TMEM108: variants seen among roughly 807,000 people sequenced by gnomAD.
TMEM108 encodes transmembrane protein 108.
Under a neutral mutation model 35.1 loss-of-function variants are expected in TMEM108, and 12 were observed. The observed-to-expected ratio is 0.34, with a 90% CI of 0.22 to 0.55. The LOEUF (loss-of-function observed/expected upper bound fraction) is 0.55, where lower values mean the gene tolerates loss of function less well. Ranked by LOEUF, TMEM108 falls within the 20% of genes least tolerant of loss-of-function variation. TMEM108 has a pLI of 0.89. For missense variants in TMEM108, 680 were observed against 753.3 expected (o/e 0.90, Z 1.14); for synonymous variants, 287 against 308.6 (o/e 0.93, Z 0.73).
chr3:133,190,856 A>G (rs1317962764), intron 2 of TMEM108, among the ~76,000 whole-genome samples: 1 of 152,196 alleles, frequency 6.6e-6, no homozygotes, highest in African/African-American at 2.4e-5. Context: ...AAAGAGGAAT[A>G]TTGGCTCATA....
chr3:133,265,036 A>C (rs935544825), intron 3 of TMEM108, among the ~76,000 whole-genome samples: 3 of 152,234 alleles, frequency 2.0e-5, no homozygotes. Flanking sequence ...CACTCACCAC[A>C]GTCATCTCTA....
At chr3:133,146,181 G>A (rs1169427829) in intron 2 of TMEM108, among the ~76,000 whole-genome samples, 6 of 152,226 alleles carry the variant, frequency 3.9e-5, no homozygotes, top group African/African-American at 1.2e-4. Context: ...ATGAAGCGAT[G>A]TTGAGTTTTA....
intron 3 of TMEM108, among the ~76,000 whole-genome samples, chr3:133,274,148 C>G (rs912950444): frequency 1.3e-5 from 2 of 152,212 alleles, no homozygotes; most frequent in East Asian, 3.8e-4. Flanking sequence ...AAATTATCTG[C>G]ACAGCGGATG....
Position 133,134,305 on chromosome 3 carries a change from G to T in TMEM108, c.-47+88285G>T, listed in dbSNP as rs532954597. The stretch of plus-strand genomic sequence containing the variant: ...TTATTGTATTCAATATTCTATATAT[G>T]TTCTATACATCTAAAAGTTAATTAT... On this transcript the variant is annotated intron_variant, in intron 2 of 5. Coordinates refer to ENST00000321871, the MANE Select transcript of TMEM108 (RefSeq NM_023943.4). Among the ~76,000 whole-genome samples, 5 of 151,984 alleles carry T rather than the reference G, an allele frequency of 3.3e-5. No homozygotes were observed. The South Asian group carries it at 1.0e-3, about 32-fold the overall frequency.
chr3:133,334,167 C>T (rs2071446277), intron 3 of TMEM108, among the ~76,000 whole-genome samples: 1 of 152,130 alleles, frequency 6.6e-6, no homozygotes, highest in Non-Finnish European at 1.5e-5. Context: ...GAGTTAGAAT[C>T]AGACCACATA....
chr3:133,396,561 T>G lies in TMEM108; in HGVS notation c.*575T>G, dbSNP rs2073309400. On this transcript the variant is annotated 3_prime_UTR_variant, in exon 6 of 6. Coordinates refer to ENST00000321871, the MANE Select transcript of TMEM108 (RefSeq NM_023943.4). ...ATGTCATGTTTAATTCCATCCAAGT[T>G]GTGGATGGCAGGCAGGAGCATGGAG... 1 of 152,196 alleles carries G rather than the reference T, an allele frequency of 6.6e-6. No individual in the cohort carries two copies. Among genetic ancestry groups the G allele is most frequent in the East Asian group, 1.9e-4 (1 of 5,182 alleles). The allele number at this position is 152,196 out of a possible 1,614,324, so 9.4% of individuals were successfully genotyped here.
chr3:133,176,580 C>T (rs1025343522), intron 2 of TMEM108, among the ~76,000 whole-genome samples: 4 of 151,926 alleles, frequency 2.6e-5, no homozygotes, highest in East Asian at 1.9e-4. Flanking sequence ...GGGTACATAA[C>T]GAAATGAAGG....
rs533881508 is a variant in TMEM108 at position 133,394,807 on chromosome 3, T to G, written c.1606-1057T>G. 4.8e-5 allele frequency among the ~76,000 whole-genome samples: 7 copies of G among 146,146 alleles called. No homozygotes were observed. In the South Asian group the frequency reaches 1.6e-3, roughly 33 times the overall value. The stretch of plus-strand genomic sequence containing the variant: ...ACAATGGCATTTCTTCCTTACCTTA[T>G]GATTCATACAGCAGTAAGTACTCCT... On this transcript the variant is annotated intron_variant, in intron 5 of 5. Coordinates refer to ENST00000321871, the MANE Select transcript of TMEM108 (RefSeq NM_023943.4).
chr3:133,043,443 T>C (rs911602733), intron 1 of TMEM108, among the ~76,000 whole-genome samples: 1 of 152,212 alleles, frequency 6.6e-6, no homozygotes, highest in African/African-American at 2.4e-5. Flanking sequence ...TTTAAAAAAT[T>C]GCTCACTAAA....
chr3:133,221,660 C>CTTTTTTTTTTTTT (rs3078806), intron 2 of TMEM108, among the ~76,000 whole-genome samples: 52 of 60,358 alleles, frequency 8.6e-4, no homozygotes, highest in Non-Finnish European at 1.1e-3. Flanking sequence ...ACATTGATTC[C>CTTTTTTTTTTTTT]TTTTTTTTTT....
chr3:133,280,467 C>T (rs1946897512), intron 3 of TMEM108, among the ~76,000 whole-genome samples: 1 of 151,994 alleles, frequency 6.6e-6, no homozygotes, highest in Non-Finnish European at 1.5e-5. Context: ...TCAGTTTTTC[C>T]CATTTTCCCA....
chr3:133,209,553 T>C (rs986648673), intron 2 of TMEM108, among the ~76,000 whole-genome samples: 5 of 152,134 alleles, frequency 3.3e-5, no homozygotes, highest in Non-Finnish European at 7.4e-5. Context: ...GCATGTTAAG[T>C]TGTGGCACTC....
intron 2 of TMEM108, among the ~76,000 whole-genome samples, chr3:133,197,438 G>T (rs906993129): frequency 2.6e-5 from 4 of 152,132 alleles, no homozygotes; most frequent in African/African-American, 9.7e-5. Flanking sequence ...GCATTTGGTA[G>T]GTAGGAGCTT....
intron 3 of TMEM108, among the ~76,000 whole-genome samples, chr3:133,269,680 T>A (rs1489226877): frequency 6.6e-6 from 1 of 152,232 alleles, no homozygotes; most frequent in African/African-American, 2.4e-5. Context: ...AGTTTTTAAT[T>A]GGACTCTCAC....
intron 2 of TMEM108, among the ~76,000 whole-genome samples, chr3:133,185,814 C>T (rs1212556844): frequency 7.2e-6 from 1 of 139,718 alleles, no homozygotes; most frequent in Non-Finnish European, 1.5e-5. Context: ...CAGAGTCTTG[C>T]TCTGTTGCCC....
chr3:133,345,767 A>G (rs1422580658), intron 3 of TMEM108, among the ~76,000 whole-genome samples: 1 of 152,000 alleles, frequency 6.6e-6, no homozygotes, highest in Non-Finnish European at 1.5e-5. Context: ...GAAAAGGAAT[A>G]TAAAGTTTCC....
intron 2 of TMEM108, among the ~76,000 whole-genome samples, chr3:133,070,269 C>T (rs745798274): frequency 1.3e-4 from 20 of 152,074 alleles, no homozygotes; most frequent in Non-Finnish European, 2.8e-4. Flanking sequence ...GATATTGTGC[C>T]TGTCTTCTGG....
At chr3:133,143,966 ATTTTATTTT>A (rs1473728858) in intron 2 of TMEM108, among the ~76,000 whole-genome samples, 1 of 110,914 alleles carries the variant, frequency 9.0e-6, no homozygotes, top group African/African-American at 3.0e-5. Flanking sequence ...ATTTTATTTT[ATTTTATTTT>A]ATTTTATTTT....
intron 2 of TMEM108, among the ~76,000 whole-genome samples, chr3:133,222,192 G>T (rs1559873071): frequency 1.3e-5 from 2 of 151,992 alleles, no homozygotes; most frequent in South Asian, 2.1e-4. Flanking sequence ...GGTTTCAGGG[G>T]TTTTTTTGGC....
Sources: allele counts gnomAD v4.1 joint callset (sites outside exome capture counted in the v4.1 genomes callset), GRCh38; gene constraint gnomAD v4.1.1; transcripts MANE v1.5; gene names NCBI Gene and HGNC (gene_info 2026-07-23, HGNC 2026-07-21).